TCF7L2: variants seen among roughly 807,000 people sequenced by gnomAD.
TCF7L2 encodes transcription factor 7 like 2.
A neutral mutation model predicts 77.9 loss-of-function variants in TCF7L2; 23 were observed. That is an observed-to-expected ratio of 0.30 (90% CI 0.21 to 0.42). The LOEUF (loss-of-function observed/expected upper bound fraction) is 0.42, where lower values mean the gene tolerates loss of function less well. Ranked by LOEUF, TCF7L2 falls within the 10% of genes least tolerant of loss-of-function variation. The pLI is 1.00. For missense variants in TCF7L2, 654 were observed against 793.1 expected (o/e 0.82, Z 2.11); for synonymous variants, 413 against 340.2 (o/e 1.21, Z -2.36).
rs1370227327 is a variant in TCF7L2 at position 113,167,048 on chromosome 10, C to A, written c.*1076C>A. 5 of 231,486 alleles carry A rather than the reference C, an allele frequency of 2.2e-5. No homozygotes were observed. In the East Asian group the frequency reaches 3.1e-4, roughly 14 times the overall value. The allele number at this position is 231,486 out of a possible 1,614,324, so 14.3% of individuals were successfully genotyped here. On this transcript the variant is annotated 3_prime_UTR_variant, in exon 14 of 14. Coordinates refer to ENST00000627217, the MANE Select transcript of TCF7L2 (RefSeq NM_001146274.2). Reference sequence around the variant, plus strand: ...CTACCCTGCGCCCTTAGGACCCGGACTGACCGTGTACAAAACTTTACGTGC... The same window carrying A: ...CTACCCTGCGCCCTTAGGACCCGGAATGACCGTGTACAAAACTTTACGTGC...
intron 4 of TCF7L2, among the ~76,000 whole-genome samples, 188 bp downstream of exon 4, chr10:112,964,812 T>TGGTGGTGGTGGGG (rs1564719427): frequency 2.6e-5 from 1 of 38,280 alleles, no homozygotes; most frequent in Non-Finnish European, 5.1e-5. Flanking sequence ...GTGGTGGTGG[T>TGGTGGTGGTGGGG]GGGGGGGGGT....
chr10:113,113,748 G>A (rs2063414262), intron 5 of TCF7L2, among the ~76,000 whole-genome samples: 1 of 152,146 alleles, frequency 6.6e-6, no homozygotes, highest in Non-Finnish European at 1.5e-5. Flanking sequence ...AAATAATGAC[G>A]TTTGGGGCAT....
chr10:112,973,821 C>CTGAGT (rs2038821227), intron 4 of TCF7L2, among the ~76,000 whole-genome samples: 9 of 152,260 alleles, frequency 5.9e-5, no homozygotes, highest in Admixed American at 2.6e-4. Context: ...GAACCCTCAC[C>CTGAGT]TCAAGTAATC....
rs146901880 is a variant in TCF7L2, at chr10:113,110,872, A to G, written c.553-30312A>G. ...ATCATAGACTAATCTGGCCAATTGT[A>G]TGGGTCAGACAAAATAGCCAACAGC... On this transcript the variant is annotated intron_variant, in intron 5 of 13. Transcript: ENST00000627217. Among the ~76,000 whole-genome samples the G allele has an allele frequency of 6.8e-3, 1,043 of 152,340 alleles. 14 individuals are homozygous for G. Among genetic ancestry groups the G allele is most frequent in the African/African-American group, 0.024 (991 of 41,580 alleles).
intron 4 of TCF7L2, among the ~76,000 whole-genome samples, chr10:113,008,492 C>G (rs759530756): frequency 5.9e-5 from 9 of 152,214 alleles, no homozygotes; most frequent in Non-Finnish European, 1.0e-4. Context: ...TGTGGCTTCT[C>G]AAGCATCCCT....
intron 4 of TCF7L2, among the ~76,000 whole-genome samples, chr10:113,034,338 G>A (rs1030305131): frequency 4.6e-5 from 7 of 152,102 alleles, no homozygotes; most frequent in Non-Finnish European, 7.4e-5. Context: ...ATCGTGGTGC[G>A]GTCTTTTGTG....
intron 5 of TCF7L2, among the ~76,000 whole-genome samples, chr10:113,105,721 G>A (rs2062218563): frequency 6.6e-6 from 1 of 152,170 alleles, no homozygotes; most frequent in Non-Finnish European, 1.5e-5. Context: ...CTGTCTGCCA[G>A]AAGCATCCCG....
chr10:112,953,488 T>TCCAAAGAATCCCTGAGAATTTCTG (rs2134270406), intron 3 of TCF7L2, among the ~76,000 whole-genome samples: 1 of 152,180 alleles, frequency 6.6e-6, no homozygotes, highest in African/African-American at 2.4e-5. Context: ...CAAGCAACAT[T>TCCAAAGAATCCCTGAGAATTTCTG]CCAAAGAATC....
At chr10:113,109,913 T>G (rs2062902626) in intron 5 of TCF7L2, among the ~76,000 whole-genome samples, 1 of 152,256 alleles carries the variant, frequency 6.6e-6, no homozygotes, top group South Asian at 2.1e-4. Flanking sequence ...AAATCATGGC[T>G]TATATCAGAA....
chr10:113,055,422 A>G (rs911234368), intron 5 of TCF7L2, among the ~76,000 whole-genome samples: 1 of 152,212 alleles, frequency 6.6e-6, no homozygotes, highest in Admixed American at 6.5e-5. Flanking sequence ...GCCTGGTTTA[A>G]TGCCTTCTTC....
intron 4 of TCF7L2, among the ~76,000 whole-genome samples, chr10:113,021,948 C>CAGGA (rs1298226805): frequency 2.0e-5 from 3 of 152,170 alleles, no homozygotes; most frequent in Admixed American, 1.3e-4. Flanking sequence ...CTTGGGGCAC[C>CAGGA]AGGAGTTCTT....
intron 4 of TCF7L2, among the ~76,000 whole-genome samples, chr10:113,038,980 C>T (rs189373087): frequency 4.1e-4 from 63 of 152,258 alleles, no homozygotes; most frequent in Admixed American, 1.6e-3. Flanking sequence ...TCTTATATCC[C>T]CTCCAAGCAT....
chr10:113,126,560 G>A, intron 5 of TCF7L2: 6 of 984,784 alleles, frequency 6.1e-6, no homozygotes, highest in Non-Finnish European at 7.2e-6. Context: ...AGAAAGCCCT[G>A]CCTTTTTTTT....
rs963645015 is a variant in TCF7L2 at position 113,022,468 on chromosome 10, C to T, written c.451-17557C>T. ...ATGGAGAAACAGGAAAATTCCACTT[C>T]ACCAGAAAGCTGGGGAAATGAGTGG... On this transcript the variant is annotated intron_variant, in intron 4 of 13. Transcript: ENST00000627217. 2.0e-5 allele frequency among the ~76,000 whole-genome samples: 3 copies of T among 152,200 alleles called. No individual in the cohort carries two copies. In the East Asian group the frequency reaches 5.8e-4, roughly 29 times the overall value.
At chr10:112,988,858 G>A (rs4074718) in intron 4 of TCF7L2, among the ~76,000 whole-genome samples, 78,949 of 152,012 alleles carry the variant, frequency 0.52, 22,508 homozygotes, top group African/African-American at 0.74. Flanking sequence ...TCTATATATG[G>A]ACATTATATA....
rs74804400 is a variant in TCF7L2 at position 112,950,449 on chromosome 10, GT to G, written c.-294del. 0.048 allele frequency: 9,135 copies of G among 189,656 alleles called. 26 individuals carry two copies. Among genetic ancestry groups the G allele is most frequent in the East Asian group, 0.11 (1,180 of 10,868 alleles). 11.7% of individuals were successfully genotyped at this position (189,656 alleles called of 1,614,324 possible). ...TATCTGACTTCTTGTTGTTGTTGGT[GT>G]TTTTTTTTTTTTTACCCCCCTTTTT... On this transcript the variant is annotated 5_prime_UTR_variant, in exon 1 of 14. Transcript: ENST00000627217.
chr10:113,104,718 A>C (rs574386056), intron 5 of TCF7L2, among the ~76,000 whole-genome samples: 2 of 152,310 alleles, frequency 1.3e-5, no homozygotes, highest in African/African-American at 4.8e-5. Flanking sequence ...GATGTTTACA[A>C]AGCCTGAAGA....
chr10:113,032,328 C>T (rs532922047), intron 4 of TCF7L2, among the ~76,000 whole-genome samples: 1 of 152,250 alleles, frequency 6.6e-6, no homozygotes, highest in African/African-American at 2.4e-5. Flanking sequence ...AAAGGATTGG[C>T]GGGTTAAAGA....
At chr10:113,055,801 A>T (rs2134695828) in intron 5 of TCF7L2, among the ~76,000 whole-genome samples, 2 of 152,266 alleles carry the variant, frequency 1.3e-5, no homozygotes, top group South Asian at 4.1e-4. Flanking sequence ...ATTCATCTGT[A>T]TTTTCCTCTG....
Sources: gnomAD v4.1 joint callset for allele counts (sites outside exome capture counted in the v4.1 genomes callset) on GRCh38, gnomAD v4.1.1 for gene constraint, MANE v1.5 for transcripts, NCBI Gene and HGNC (gene_info 2026-07-23, HGNC 2026-07-21) for gene names.